TAFA5: variants seen among roughly 807,000 people sequenced by gnomAD.
TAFA5 encodes the protein TAFA chemokine like family member 5.
A neutral mutation model predicts 15.3 loss-of-function variants in TAFA5; 6 were observed. The observed-to-expected ratio is 0.39, with a 90% confidence interval of 0.21 to 0.77. The LOEUF is 0.77. Among genes scored for constraint, TAFA5 ranks in the 30% least tolerant of loss-of-function variants. The pLI, the probability that TAFA5 is intolerant of heterozygous loss-of-function variation, is 0.41. For synonymous variants in TAFA5, 103 were observed against 80.7 expected, an observed-to-expected ratio of 1.28 and a Z score of -1.48; for missense variants, 161 against 193.1, an observed-to-expected ratio of 0.83 and a Z score of 0.98.
At chr22:48,655,833 T>C (rs1927219794) in intron 2 of TAFA5, among the ~76,000 whole-genome samples, 1 of 97,188 alleles carries the variant, frequency 1.0e-5, no homozygotes, top group Non-Finnish European at 2.2e-5. Context: ...ACTGATTCTT[T>C]TTTTTTTTTT....
chr22:48,576,039 ACCCC>A (rs535068094), intron 1 of TAFA5, among the ~76,000 whole-genome samples: 1 of 31,436 alleles, frequency 3.2e-5, no homozygotes, highest in Non-Finnish European at 5.1e-5. Context: ...GCCGCGCCGG[ACCCC>A]CCCCCCCCCC....
intron 2 of TAFA5, among the ~76,000 whole-genome samples, chr22:48,678,090 G>C (rs112445531): frequency 0.031 from 4,690 of 152,250 alleles, 251 homozygotes; most frequent in African/African-American, 0.11. Flanking sequence ...TCTGACCCTT[G>C]CCATTCCAGT....
chr22:48,702,990 T>G (rs1928960972), intron 2 of TAFA5, among the ~76,000 whole-genome samples: 1 of 152,260 alleles, frequency 6.6e-6, no homozygotes, highest in African/African-American at 2.4e-5. Context: ...TGTCCCTTTG[T>G]TCTGCAAATG....
At chr22:48,519,470 C>T (rs1921530533) in intron 1 of TAFA5, among the ~76,000 whole-genome samples, 1 of 152,214 alleles carries the variant, frequency 6.6e-6, no homozygotes, top group Admixed American at 6.5e-5. Context: ...TGCCACTGAC[C>T]CTGGGTCTTC....
intron 2 of TAFA5, among the ~76,000 whole-genome samples, chr22:48,669,502 G>A (rs9617496): frequency 0.37 from 55,860 of 152,084 alleles, 10,479 homozygotes; most frequent in East Asian, 0.44. Flanking sequence ...TGCCAGCCTC[G>A]CCATGGTGAA....
At chr22:48,634,108 GTT>G (rs1926346175) in intron 1 of TAFA5, among the ~76,000 whole-genome samples, 2 of 115,942 alleles carry the variant, frequency 1.7e-5, no homozygotes, top group Admixed American at 1.9e-4. Flanking sequence ...TTTCCTTGAC[GTT>G]CACTCACTCG....
chr22:48,644,708 C>CGAAA lies in TAFA5; in HGVS notation c.113-1889_113-1888insGAAA, dbSNP rs1394976640. ...AGGCAGGTGCCAGAGGAGGGGCCGT[C>CGAAA]TAAGGTTATCATAGGAGAAAAAGTG... On this transcript the variant is annotated intron_variant, in intron 1 of 3. Coordinates refer to ENST00000402357, the MANE Select transcript of TAFA5 (RefSeq NM_001082967.3). 1.5e-4 allele frequency among the ~76,000 whole-genome samples: 23 copies of CGAAA among 152,278 alleles called. 3 individuals carry two copies. The highest frequency in any genetic ancestry group is 5.1e-4 in the African/African-American group (21 of 41,562).
intron 1 of TAFA5, among the ~76,000 whole-genome samples, chr22:48,593,729 A>G (rs901687274): frequency 6.6e-6 from 1 of 152,184 alleles, no homozygotes; most frequent in African/African-American, 2.4e-5. Context: ...AAGGAAGGCC[A>G]GCTGGGGCCA....
chr22:48,576,581 C>G, intron 1 of TAFA5: 1 of 1,451,590 alleles, frequency 6.9e-7, no homozygotes, highest in Non-Finnish European at 9.2e-7. Context: ...GGTAATTGTC[C>G]CCGGGCGCGC....
At chr22:48,727,680 T>C (rs1929752200) in intron 3 of TAFA5, among the ~76,000 whole-genome samples, 1 of 152,210 alleles carries the variant, frequency 6.6e-6, no homozygotes, top group South Asian at 2.1e-4. Context: ...GTGTTGAAAA[T>C]AGCCAAACGT....
At chr22:48,725,437 T>C (rs1238057444) in intron 3 of TAFA5, among the ~76,000 whole-genome samples, 1 of 152,210 alleles carries the variant, frequency 6.6e-6, no homozygotes, top group Non-Finnish European at 1.5e-5. Context: ...AATAGATCTC[T>C]GCAGTAAACA....
intron 1 of TAFA5, among the ~76,000 whole-genome samples, chr22:48,594,547 G>C (rs1002753480): frequency 6.6e-5 from 10 of 152,224 alleles, no homozygotes; most frequent in African/African-American, 2.4e-4. Context: ...GGACTCTGAT[G>C]CCTCACACAG....
chr22:48,646,532 G>A, intron 1 of TAFA5, 65 bp from the exon 2 acceptor site: 3 of 1,572,252 alleles, frequency 1.9e-6, no homozygotes, highest in South Asian at 2.4e-5. Context: ...TGGGCTCTGG[G>A]TGGGCTCTGG....
At chr22:48,596,044 T>C (rs1924753589) in intron 1 of TAFA5, among the ~76,000 whole-genome samples, 2 of 152,266 alleles carry the variant, frequency 1.3e-5, no homozygotes, top group African/African-American at 4.8e-5. Flanking sequence ...CCAAAGCTTT[T>C]GAAATGCATC....
At chr22:48,617,836 C>T (rs1246036478) in intron 1 of TAFA5, among the ~76,000 whole-genome samples, 1 of 76,768 alleles carries the variant, frequency 1.3e-5, no homozygotes, top group Admixed American at 1.5e-4. Flanking sequence ...TCTGTACCAC[C>T]CCCTGCCTGG....
At chr22:48,572,142 G>A (rs1166443580) in intron 1 of TAFA5, among the ~76,000 whole-genome samples, 2 of 152,216 alleles carry the variant, frequency 1.3e-5, no homozygotes, top group Non-Finnish European at 2.9e-5. Flanking sequence ...TAAGGTTCAA[G>A]TGTAGAGTAT....
chr22:48,506,975 G>T (rs569882795), intron 1 of TAFA5, among the ~76,000 whole-genome samples: 1 of 152,272 alleles, frequency 6.6e-6, no homozygotes, highest in African/African-American at 2.4e-5. Context: ...GCAGAGGGGG[G>T]ACTGGGCACC....
intron 1 of TAFA5, among the ~76,000 whole-genome samples, chr22:48,620,026 C>T (rs181493535): frequency 2.6e-5 from 4 of 152,286 alleles, no homozygotes; most frequent in Non-Finnish European, 5.9e-5. Flanking sequence ...TCAAATTCAA[C>T]GGGAAAGAGG....
At chr22:48,624,047 A>T (rs1837918149) in intron 1 of TAFA5, among the ~76,000 whole-genome samples, 1 of 152,128 alleles carries the variant, frequency 6.6e-6, no homozygotes, top group African/African-American at 2.4e-5. Context: ...ACGTGGTATT[A>T]TTAGTTGTCA....
Sources: allele counts gnomAD v4.1 joint callset (sites outside exome capture counted in the v4.1 genomes callset), GRCh38; gene constraint gnomAD v4.1.1; transcripts MANE v1.5; gene names NCBI Gene and HGNC (gene_info 2026-07-23, HGNC 2026-07-21).